The following PARG variants were observed in gnomAD, a reference collection of about 807,000 sequenced individuals.
PARG encodes poly(ADP-ribose) glycohydrolase, also known as mitochondrial poly(ADP-ribose) glycohydrolase.
PARG carries 35 observed loss-of-function variants against 113.0 expected under a neutral mutation model. The observed-to-expected ratio is 0.31, with a 90% CI of 0.24 to 0.41. PARG has a LOEUF of 0.41. Among genes scored for constraint, PARG ranks in the 10% least tolerant of loss-of-function variants. The pLI is 1.00. For synonymous variants in PARG, 330 were observed against 409.9 expected, an observed-to-expected ratio of 0.81 and a Z score of 2.36; for missense variants, 797 against 1,169.4, an observed-to-expected ratio of 0.68 and a Z score of 4.64.
intron 6 of PARG, among the ~76,000 whole-genome samples, chr10:49,919,467 A>T (rs184613456): frequency 2.4e-3 from 364 of 152,306 alleles, no homozygotes; most frequent in East Asian, 0.019. Context: ...TAATAGAAAA[A>T]ATAGTGAAAA....
At chr10:49,848,163 A>G (rs1226660753) in intron 13 of PARG, among the ~76,000 whole-genome samples, 23 of 148,022 alleles carry the variant, frequency 1.6e-4, no homozygotes, top group Non-Finnish European at 2.5e-4. Context: ...ATCGTGGCCA[A>G]CGTGGTGAAA....
intron 13 of PARG, among the ~76,000 whole-genome samples, chr10:49,852,150 G>T (rs1176615389): frequency 6.6e-6 from 1 of 152,188 alleles, no homozygotes; most frequent in Non-Finnish European, 1.5e-5. Context: ...TCCTAAGGAG[G>T]GAGATGGCAG....
intron 16 of PARG, among the ~76,000 whole-genome samples, chr10:49,829,026 G>C (rs1158532552): frequency 6.6e-6 from 1 of 152,154 alleles, no homozygotes; most frequent in Non-Finnish European, 1.5e-5. Flanking sequence ...CATTAGGTCA[G>C]GAGTTCGAGA....
chr10:49,917,488 C>CAAAAAAAAAAA (rs71026277), intron 6 of PARG, among the ~76,000 whole-genome samples: 1 of 47,658 alleles, frequency 2.1e-5, no homozygotes. Flanking sequence ...GACTCCGTCT[C>CAAAAAAAAAAA]AAAAAAAAAA....
intron 15 of PARG, among the ~76,000 whole-genome samples, chr10:49,834,646 T>C (rs1388657074): frequency 2.0e-5 from 3 of 152,112 alleles, no homozygotes; most frequent in Admixed American, 6.6e-5. Context: ...CCCAGCACTT[T>C]GGGAGGCTGA....
intron 15 of PARG, among the ~76,000 whole-genome samples, chr10:49,836,902 A>G (rs1844964417): frequency 1.3e-5 from 2 of 152,228 alleles, no homozygotes; most frequent in Admixed American, 1.3e-4. Context: ...CATATTCATT[A>G]CTTAATCCTA....
intron 6 of PARG, among the ~76,000 whole-genome samples, chr10:49,919,437 C>T (rs1237284427): frequency 2.0e-5 from 3 of 152,116 alleles, no homozygotes; most frequent in South Asian, 2.1e-4. Flanking sequence ...ACACGCTGTA[C>T]GAATGAAGGC....
chr10:49,876,632 T>G (rs1255924572), intron 9 of PARG, among the ~76,000 whole-genome samples: 1 of 152,104 alleles, frequency 6.6e-6, no homozygotes, highest in Non-Finnish European at 1.5e-5. Context: ...AACTGATACG[T>G]GAACTGAGTA....
At chr10:49,934,293 A>T in intron 2 of PARG, 130 bp from the exon 3 acceptor site, 1 of 612,910 alleles carries the variant, frequency 1.6e-6, no homozygotes, top group Admixed American at 2.9e-5. Flanking sequence ...GTCTTCTATG[A>T]CTCCATGTCT....
Position 49,916,949 on chromosome 10 carries a change from A to G in PARG, c.1663-958T>C, listed in dbSNP as rs1324655076. Among the ~76,000 whole-genome samples the G allele has an allele frequency of 2.6e-5, 4 of 152,118 alleles. No homozygotes were observed. In the East Asian group the frequency reaches 7.7e-4, roughly 29 times the overall value. On this transcript the variant is annotated intron_variant, in intron 6 of 17. Transcript: ENST00000616448. ...GTTATCATTGAATAAGTTTTTAAAAAATTAATACTCTGTCAAAGCTTCCTG... is the reference window on the plus strand; with the variant it reads ...GTTATCATTGAATAAGTTTTTAAAAGATTAATACTCTGTCAAAGCTTCCTG...
chr10:49,883,058 T>C (rs1554839771), intron 8 of PARG, among the ~76,000 whole-genome samples: 1 of 151,994 alleles, frequency 6.6e-6, no homozygotes, highest in Admixed American at 6.6e-5. Context: ...CCCTGCCCAA[T>C]AGTAAAACTT....
chr10:49,883,573 C>T (rs1394911736), intron 8 of PARG, among the ~76,000 whole-genome samples: 3 of 147,306 alleles, frequency 2.0e-5, no homozygotes, highest in African/African-American at 5.0e-5. Context: ...CAAAGGCGGG[C>T]GGATCACATG....
At chr10:49,868,412 T>C (rs1198879015) in intron 10 of PARG, among the ~76,000 whole-genome samples, 1 of 152,236 alleles carries the variant, frequency 6.6e-6, no homozygotes, top group Non-Finnish European at 1.5e-5. Context: ...TTCGATAAGC[T>C]ATGAGATAAT....
intron 9 of PARG, among the ~76,000 whole-genome samples, chr10:49,874,852 C>T (rs1554838181): frequency 7.6e-6 from 1 of 131,774 alleles, no homozygotes; most frequent in Non-Finnish European, 1.7e-5. Context: ...AGACTCTGTC[C>T]CAAAAAAAAC....
chr10:49,892,696 C>A (rs1387702977), intron 7 of PARG, among the ~76,000 whole-genome samples: 1 of 152,154 alleles, frequency 6.6e-6, no homozygotes, highest in Non-Finnish European at 1.5e-5. Context: ...TGTCATCAGT[C>A]CATTCTTCTG....
intron 9 of PARG, among the ~76,000 whole-genome samples, chr10:49,876,595 T>G (rs1468178882): frequency 1.3e-5 from 2 of 152,204 alleles, no homozygotes; most frequent in Admixed American, 1.3e-4. Context: ...AGCAAACCTA[T>G]CCTAGCAGAA....
At chr10:49,902,919 G>T (rs1848411177) in intron 7 of PARG, among the ~76,000 whole-genome samples, 1 of 151,094 alleles carries the variant, frequency 6.6e-6, no homozygotes, top group African/African-American at 2.4e-5. Context: ...TGCAACCTCT[G>T]CCTCCCGGGT....
chr10:49,866,830 T>C (rs1354582851), intron 10 of PARG, among the ~76,000 whole-genome samples: 1 of 152,188 alleles, frequency 6.6e-6, no homozygotes, highest in African/African-American at 2.4e-5. Context: ...ATACAGGTCA[T>C]AAATTTTCAA....
chr10:49,834,378 A>C (rs1844814813), intron 15 of PARG, among the ~76,000 whole-genome samples: 1 of 152,192 alleles, frequency 6.6e-6, no homozygotes, highest in Non-Finnish European at 1.5e-5. Context: ...GGATGGTTTT[A>C]GTTTCTTTCT....
Sources: gnomAD v4.1 joint callset for allele counts (sites outside exome capture counted in the v4.1 genomes callset) on GRCh38, gnomAD v4.1.1 for gene constraint, MANE v1.5 for transcripts, NCBI Gene and HGNC (gene_info 2026-07-23, HGNC 2026-07-21) for gene names.